GPATCH8: variants seen among roughly 807,000 people sequenced by gnomAD.
GPATCH8 encodes G patch domain-containing protein 8.
Under a neutral mutation model 118.3 loss-of-function variants are expected in GPATCH8, and 18 were observed. The ratio of observed to expected loss-of-function variants is 0.15; its 90% CI spans 0.11 to 0.23. GPATCH8 has a LOEUF of 0.23. Among genes scored for constraint, GPATCH8 ranks in the 10% least tolerant of loss-of-function variants. GPATCH8 has a pLI of 1.00. For synonymous variants in GPATCH8, 659 were observed against 684.7 expected (o/e 0.96, Z 0.59); for missense variants, 1,631 against 1,873.8 (o/e 0.87, Z 2.39).
intron 1 of GPATCH8, among the ~76,000 whole-genome samples, chr17:44,488,857 C>T (rs759190143): frequency 6.6e-6 from 1 of 151,344 alleles, no homozygotes; most frequent in Non-Finnish European, 1.5e-5. Flanking sequence ...GAGGCCGAGG[C>T]GGGTGGATCA....
At position 44,400,039 on chromosome 17, in the gene GPATCH8, T is replaced by G; in HGVS notation, c.2038A>C (p.Lys680Gln). The G allele has an allele frequency of 3.7e-6, 6 of 1,614,134 alleles. No individual in the cohort carries two copies. Among genetic ancestry groups the G allele is most frequent in the Non-Finnish European group, 5.1e-6 (6 of 1,180,020 alleles). ...TTGTGTTTGCTGGATTTTTTGTGCT[T>G]CTTTTTCTTTTTGTGCCGGTGGGAC... ...GKSHRHKKKK[K>Q]HKKSSKHKRK... The change falls in exon 8 of 8, where the codon AAG becomes CAG. Residue 680 changes from lysine to glutamine, a missense_variant. Coordinates refer to ENST00000591680, the MANE Select transcript of GPATCH8 (RefSeq NM_001002909.4).
rs141804150 is a variant in GPATCH8, at chr17:44,448,573, G to GGAA, written c.194-12031_194-12029dup. Among the ~76,000 whole-genome samples, 1,150 of 127,630 alleles carry GGAA rather than the reference G, an allele frequency of 9.0e-3. 21 individuals are homozygous for GGAA. Among genetic ancestry groups the GGAA allele is most frequent in the African/African-American group, 0.033 (989 of 29,550 alleles). The allele number at this position is 127,630 out of a possible 152,430, so 83.7% of individuals were successfully genotyped here. A position where few individuals can be genotyped will look rare whatever the true frequency, so the allele number is the denominator to read the frequency against. On this transcript the variant is annotated intron_variant, in intron 3 of 7. Transcript: ENST00000591680. Reference sequence around the variant, plus strand: ...AGGAAGAGGAAGAAGAAGAGGAAGAGGAAGAAGAAGAAGAAGAAGAAGAAA... The same window carrying GGAA: ...AGGAAGAGGAAGAAGAAGAGGAAGAGGAAGAAGAAGAAGAAGAAGAAGAAGAAA...
intron 2 of GPATCH8, among the ~76,000 whole-genome samples, chr17:44,470,008 T>C (rs1034081489): frequency 1.3e-5 from 2 of 152,308 alleles, no homozygotes; most frequent in African/African-American, 2.4e-5. Context: ...CAACTGGAGT[T>C]TGAAGCTTAC....
chr17:44,443,474 C>G (rs905254567), intron 3 of GPATCH8, among the ~76,000 whole-genome samples: 1 of 152,078 alleles, frequency 6.6e-6, no homozygotes, highest in African/African-American at 2.4e-5. Flanking sequence ...ATGATATATG[C>G]TACCTCTCAG....
chr17:44,421,088 C>G (rs527604070), intron 6 of GPATCH8, among the ~76,000 whole-genome samples: 6 of 151,470 alleles, frequency 4.0e-5, no homozygotes, highest in African/African-American at 1.5e-4. Flanking sequence ...CTGACCTCAA[C>G]TGATCTGCCC....
chr17:44,398,399 G>C lies in GPATCH8; in HGVS notation c.3678C>G (p.Thr1226=). 6.2e-7 allele frequency: 1 copy of C among 1,613,972 alleles called. No homozygotes were observed. The highest frequency in any genetic ancestry group is 1.1e-5 in the South Asian group (1 of 91,078). The part of the protein sequence containing the change: ...TADHPVAPLG[T]PAHSDCYPGD... ...CAGGGTAGCAGTCAGAATGTGCTGG[G>C]GTGCCTAGTGGAGCCACAGGGTGAT... The change falls in exon 8 of 8, where the codon ACC becomes ACG. Residue 1226 remains threonine, a synonymous_variant. Transcript: ENST00000591680.
intron 6 of GPATCH8, among the ~76,000 whole-genome samples, chr17:44,411,819 G>A (rs901435314): frequency 6.6e-6 from 1 of 152,138 alleles, no homozygotes; most frequent in Non-Finnish European, 1.5e-5. Flanking sequence ...ATCAAACTGG[G>A]TTGTGGCTCA....
chr17:44,407,490 C>A (rs1038116918), intron 6 of GPATCH8, among the ~76,000 whole-genome samples: 1 of 152,024 alleles, frequency 6.6e-6, no homozygotes, highest in Non-Finnish European at 1.5e-5. Flanking sequence ...ACACAGTAAT[C>A]CCACCTAGAA....
intron 3 of GPATCH8, among the ~76,000 whole-genome samples, chr17:44,454,574 G>A (rs1446898730): frequency 2.0e-5 from 3 of 152,072 alleles, no homozygotes; most frequent in Admixed American, 2.0e-4. Flanking sequence ...CTCCTCTCCT[G>A]CAATCCCTTT....
At chr17:44,468,373 C>CTTTTTT (rs869068538) in intron 2 of GPATCH8, among the ~76,000 whole-genome samples, 3 of 100,018 alleles carry the variant, frequency 3.0e-5, no homozygotes, top group Non-Finnish European at 5.5e-5. Context: ...TTCTTTGTTC[C>CTTTTTT]TTTTTTTTTT....
intron 1 of GPATCH8, among the ~76,000 whole-genome samples, chr17:44,493,453 C>T (rs1334194419): frequency 6.6e-6 from 1 of 152,108 alleles, no homozygotes; most frequent in Admixed American, 6.5e-5. Flanking sequence ...TTAACTGGTA[C>T]AAAATGCTGC....
chr17:44,422,179 TTTTA>T (rs1167339336), intron 6 of GPATCH8, among the ~76,000 whole-genome samples: 1 of 152,090 alleles, frequency 6.6e-6, no homozygotes, highest in Non-Finnish European at 1.5e-5. Flanking sequence ...TGAAAGAGTT[TTTTA>T]TTTGTTTTGT....
intron 1 of GPATCH8, among the ~76,000 whole-genome samples, chr17:44,502,830 G>A (rs1389691724): frequency 1.3e-5 from 2 of 152,200 alleles, no homozygotes; most frequent in Non-Finnish European, 1.5e-5. Flanking sequence ...GTAAGGAAGA[G>A]GAAAAGCAGA....
chr17:44,492,360 A>G lies in GPATCH8; in HGVS notation c.45+10966T>C, dbSNP rs1390339157. The stretch of plus-strand genomic sequence containing the variant: ...TGGGAGGCCGAGGCGGGAGGATCAC[A>G]AGGTCAGGAGATTGAGACCATCCTG... On this transcript the variant is annotated intron_variant, in intron 1 of 7. Coordinates refer to ENST00000591680, the MANE Select transcript of GPATCH8 (RefSeq NM_001002909.4). 5.4e-5 allele frequency among the ~76,000 whole-genome samples: 8 copies of G among 147,014 alleles called. No individual in the cohort carries two copies. The East Asian group carries it at 1.6e-3, about 30-fold the overall frequency.
intron 3 of GPATCH8, among the ~76,000 whole-genome samples, chr17:44,450,059 C>A (rs187846686): frequency 1.3e-5 from 2 of 152,056 alleles, no homozygotes; most frequent in Non-Finnish European, 2.9e-5. Context: ...ATTCCTGACA[C>A]CCCCAAATCT....
rs761772884 is a variant in GPATCH8, at chr17:44,398,015, T to C, written c.4062A>G (p.Pro1354=). 2 of 1,613,990 alleles carry C rather than the reference T, an allele frequency of 1.2e-6. No homozygotes were observed. Among genetic ancestry groups the C allele is most frequent in the South Asian group, 1.1e-5 (1 of 91,070 alleles). The part of the protein sequence containing the change: ...PASAALAPAT[P]ALQPIHIQQP... ...GCTGAATGTGGATGGGTTGCAGGGC[T>C]GGTGTGGCTGGGGCCAGGGCAGCTG... is the stretch of plus-strand genomic sequence containing the variant. Residue 1354 remains proline, a synonymous_variant, in exon 8 of 8, where the codon CCA becomes CCG. Transcript: ENST00000591680.
chr17:44,498,725 A>G (rs964112352), intron 1 of GPATCH8, among the ~76,000 whole-genome samples: 2 of 152,244 alleles, frequency 1.3e-5, no homozygotes, highest in African/African-American at 4.8e-5. Flanking sequence ...CCAAACTGAC[A>G]TTAATTTTCA....
Position 44,400,625 on chromosome 17 carries a change from C to T in GPATCH8, c.1452G>A (p.Lys484=). The stretch of plus-strand genomic sequence containing the variant: ...GATCACTTACATCCCCTCCTAAGGC[C>T]TTCTTTGCCTCAGCTTTGCTTCCTG... ...SEPGSKAEAK[K]ALGGDVSDQS... The change falls in exon 8 of 8, where the codon AAG becomes AAA. Residue 484 remains lysine (K), a synonymous_variant. Transcript: ENST00000591680. 6.2e-7 allele frequency: 1 copy of T among 1,613,978 alleles called. No individual in the cohort carries two copies.
intron 6 of GPATCH8, among the ~76,000 whole-genome samples, chr17:44,410,218 G>A (rs1598424219): frequency 1.3e-5 from 2 of 152,126 alleles, no homozygotes; most frequent in South Asian, 2.1e-4. Context: ...CATTTGTCAC[G>A]GAATACCCAC....
Sources: gnomAD v4.1 joint callset for allele counts (sites outside exome capture counted in the v4.1 genomes callset) on GRCh38, gnomAD v4.1.1 for gene constraint, MANE v1.5 for transcripts, NCBI Gene and HGNC (gene_info 2026-07-23, HGNC 2026-07-21) for gene names.